The following ZSWIM9 variants were observed in gnomAD, a reference collection of about 807,000 sequenced individuals.
The protein encoded by ZSWIM9 is uncharacterized protein ZSWIM9.
A neutral mutation model predicts 25.0 loss-of-function variants in ZSWIM9; 11 were observed. The ratio of observed to expected loss-of-function variants is 0.44; its 90% confidence interval spans 0.28 to 0.73. ZSWIM9 has a LOEUF of 0.73. Ranked by LOEUF, ZSWIM9 falls within the 30% of genes least tolerant of loss-of-function variation. ZSWIM9 has a pLI of 0.16. For missense variants in ZSWIM9, 1,070 were observed against 1,296.5 expected (o/e 0.83, Z 2.68); for synonymous variants, 562 against 582.1 (o/e 0.97, Z 0.50).
intron 3 of ZSWIM9, among the ~76,000 whole-genome samples, chr19:48,190,142 C>T (rs371058753): frequency 3.3e-5 from 5 of 150,178 alleles, no homozygotes; most frequent in East Asian, 3.9e-4. Flanking sequence ...TGGCGGAGGT[C>T]GCAGTGAGCC....
chr19:48,196,112 G>A lies in ZSWIM9; in HGVS notation c.2048G>A (p.Gly683Glu). The A allele has an allele frequency of 3.2e-6, 4 of 1,244,978 alleles. No individual in the cohort carries two copies. Among genetic ancestry groups the A allele is most frequent in the Non-Finnish European group, 4.0e-6 (4 of 996,324 alleles). The allele number at this position is 1,244,978 out of a possible 1,614,324, so 77.1% of individuals were successfully genotyped here. ...GCCCCTGAGAACGGAGACCAAAGGGGACCCCAGTGGGAAGATGAGAGGAGG... is the reference window on the plus strand; with the variant it reads ...GCCCCTGAGAACGGAGACCAAAGGGAACCCCAGTGGGAAGATGAGAGGAGG... ...ELAPENGDQRGPQWEDERRRG... is the reference protein window; with the variant it reads ...ELAPENGDQREPQWEDERRRG... Residue 683 changes from glycine to glutamate, a missense_variant, in exon 4 of 4, where the codon GGA becomes GAA. Around this residue, in one of 4 missense-constraint regions of ZSWIM9, gnomAD observed 583 missense variants for 624.7 expected, o/e 0.93. Transcript: ENST00000614654.
intron 3 of ZSWIM9, chr19:48,187,585 T>TTA (rs1568579920): frequency 1.2e-4 from 8 of 65,344 alleles, no homozygotes; most frequent in African/African-American, 3.0e-4. Flanking sequence ...ATATTATATA[T>TTA]TATATAATAT....
At position 48,171,143 on chromosome 19, in the gene ZSWIM9, G is replaced by A. The variant is rs185989306; in HGVS notation, c.-10+429G>A. Reference sequence around the variant, plus strand: ...CATCTGGAGATGAGAGTGTCTCAGGGAAGCCCCAGCTACAGCTGCATGTGG... The same window carrying A: ...CATCTGGAGATGAGAGTGTCTCAGGAAAGCCCCAGCTACAGCTGCATGTGG... On this transcript the variant is annotated intron_variant, in intron 1 of 3. Transcript: ENST00000614654. 4.4e-5 allele frequency: 33 copies of A among 746,858 alleles called. No homozygotes were observed. The East Asian group carries it at 3.9e-3, about 88-fold the overall frequency. The allele number at this position is 746,858 out of a possible 1,614,324, so 46.3% of individuals were successfully genotyped here.
In ZSWIM9 at chr19:48,182,266, A is replaced by G. The variant is rs960965423; in HGVS notation, c.276-189A>G. ...ATGAGTAGGACCTTCCTTGTAACCT[A>G]TGAGGAAACTGAGGCATAGAGACTT... On this transcript the variant is annotated intron_variant, in intron 2 of 3. Transcript: ENST00000614654. This position sits in a 1 kb window ranked among gnomAD's most constrained non-coding sequence, Gnocchi z 4.6. 1.0e-5 allele frequency: 6 copies of G among 598,654 alleles called. No homozygotes were observed. In the African/African-American group the frequency reaches 1.1e-4, roughly 11 times the overall value. 37.1% of individuals were successfully genotyped at this position (598,654 alleles called of 1,614,324 possible). A position where few individuals can be genotyped will look rare whatever the true frequency, so the allele number is the denominator to read the frequency against.
At chr19:48,179,878 G>A (rs996149055) in intron 2 of ZSWIM9, among the ~76,000 whole-genome samples, 6 of 152,082 alleles carry the variant, frequency 3.9e-5, no homozygotes, top group South Asian at 2.1e-4. Context: ...GAGGTCAGGC[G>A]GCCAATATGG....
At chr19:48,193,477 A>C (rs776056529) in intron 3 of ZSWIM9, among the ~76,000 whole-genome samples, 1 of 151,970 alleles carries the variant, frequency 6.6e-6, no homozygotes, top group African/African-American at 2.4e-5. Flanking sequence ...CAAAGGGAAG[A>C]GCCACATAGG....
intron 1 of ZSWIM9, 38 bp from the exon 2 acceptor site, chr19:48,171,756 G>T: frequency 6.7e-7 from 1 of 1,489,730 alleles, no homozygotes. Flanking sequence ...GGGTGGGAAT[G>T]GGTCTGATAT....
chr19:48,179,515 A>G (rs2036926162), intron 2 of ZSWIM9, among the ~76,000 whole-genome samples: 1 of 152,142 alleles, frequency 6.6e-6, no homozygotes, highest in East Asian at 1.9e-4. Flanking sequence ...TCTCTACATT[A>G]ATTTCATGTA....
At chr19:48,186,021 T>A (rs905686568) in intron 3 of ZSWIM9, among the ~76,000 whole-genome samples, 1 of 152,198 alleles carries the variant, frequency 6.6e-6, no homozygotes, top group African/African-American at 2.4e-5. Flanking sequence ...TTCTTATCTG[T>A]ACTGTCCAAT....
chr19:48,182,373 T>TAAA lies in ZSWIM9; in HGVS notation c.276-70_276-68dup, dbSNP rs11373236. On this transcript the variant is annotated intron_variant, in intron 2 of 3. Coordinates refer to ENST00000614654, the MANE Select transcript of ZSWIM9 (RefSeq NM_199341.4). This position sits in a 1 kb window ranked among gnomAD's most constrained non-coding sequence, Gnocchi z 4.6. ...TCTATGCCTGAAACAATTCTTAGTT[T>TAAA]AAAAAAAAAAAAAAGGTGAGTGGAA... 2,341 of 1,029,238 alleles carry TAAA rather than the reference T, an allele frequency of 2.3e-3. No individual in the cohort carries two copies. The highest frequency in any genetic ancestry group is 4.2e-3 in the African/African-American group (247 of 58,632). 63.8% of individuals were successfully genotyped at this position (1,029,238 alleles called of 1,614,324 possible). A position where few individuals can be genotyped will look rare whatever the true frequency, so the allele number is the denominator to read the frequency against.
At position 48,195,541 on chromosome 19, in the gene ZSWIM9, G is replaced by T; in HGVS notation, c.1477G>T (p.Glu493Ter). The T allele has an allele frequency of 2.8e-6, 4 of 1,416,698 alleles. 1 individual carries two copies. The South Asian group carries it at 6.1e-5, about 22-fold the overall frequency. 87.8% of individuals were successfully genotyped at this position (1,416,698 alleles called of 1,614,324 possible). ...EGSIWRGAQM[E>*]KEWARALETR... ...AAGTATTTGGAGGGGAGCCCAGATG[G>T]AGAAGGAGTGGGCAAGGGCACTGGA... The change falls in exon 4 of 4, where the codon GAG becomes TAG. Residue 493 changes from glutamate (E) to a stop codon, truncating the protein, a stop_gained. Coordinates refer to ENST00000614654, the MANE Select transcript of ZSWIM9 (RefSeq NM_199341.4). LOFTEE classifies it low-confidence loss of function (END_TRUNC). This position sits in a 1 kb window ranked among gnomAD's most constrained non-coding sequence, Gnocchi z 5.8.
At position 48,194,614 on chromosome 19, in the gene ZSWIM9, C is replaced by T; in HGVS notation, c.589-39C>T. 1 of 1,400,098 alleles carries T rather than the reference C, an allele frequency of 7.1e-7. No individual in the cohort carries two copies. The highest frequency in any genetic ancestry group is 1.6e-5 in the South Asian group (1 of 64,420). 86.7% of individuals were successfully genotyped at this position (1,400,098 alleles called of 1,614,324 possible). On this transcript the variant is annotated intron_variant, in intron 3 of 3. Transcript: ENST00000614654. The surrounding 1 kb of genome is among the most constrained non-coding windows in gnomAD (Gnocchi z 6.0). ...AGCTGGGCGGGGAGACCCCAGCATC[C>T]TCTGACCTCTTTCCTTGCCTCCCTG...
chr19:48,180,174 G>A (rs1010382502), intron 2 of ZSWIM9, among the ~76,000 whole-genome samples: 4 of 152,046 alleles, frequency 2.6e-5, no homozygotes, highest in Non-Finnish European at 5.9e-5. Context: ...GCACCACCAC[G>A]CCTGGCTAAT....
chr19:48,182,635 C>T lies in ZSWIM9; in HGVS notation c.456C>T (p.Asn152=), dbSNP rs2036962582. Residue 152 remains asparagine (N), a synonymous_variant, in exon 3 of 4, where the codon AAC becomes AAT. Transcript: ENST00000614654. This position sits in a 1 kb window ranked among gnomAD's most constrained non-coding sequence, Gnocchi z 4.6. ...ANACLPVRTT[N]KISKQFVAPA... ...CCTGCCTGCCGGTGCGCACCACCAA[C>T]AAGATCTCCAAGCAGTTCGTGGCCC... 6.5e-7 allele frequency: 1 copy of T among 1,535,722 alleles called. No homozygotes were observed. The highest frequency in any genetic ancestry group is 1.4e-5 in the African/African-American group (1 of 73,028).
chr19:48,195,799 G>C lies in ZSWIM9; in HGVS notation c.1735G>C (p.Gly579Arg), dbSNP rs1360061157. 1 of 1,497,014 alleles carries C rather than the reference G, an allele frequency of 6.7e-7. No individual in the cohort carries two copies. The allele number at this position is 1,497,014 out of a possible 1,614,324, so 92.7% of individuals were successfully genotyped here. A position where few individuals can be genotyped will look rare whatever the true frequency, so the allele number is the denominator to read the frequency against. ...GGGACTGGAAGGTTATGTCTGGAGG[G>C]GGTCCCAGTTGGAGGACCAGGCGCT... The part of the protein sequence containing the change: ...DWGLEGYVWR[G>R]SQLEDQALRG... Residue 579 changes from glycine to arginine, a missense_variant, in exon 4 of 4, where the codon GGG becomes CGG. By Grantham distance (125) the Gly-to-Arg change is moderately radical. This residue lies in a region of ZSWIM9 where 583 missense variants were observed against 624.7 expected (regional missense o/e 0.93). Coordinates refer to ENST00000614654, the MANE Select transcript of ZSWIM9 (RefSeq NM_199341.4). The surrounding 1 kb of genome is among the most constrained non-coding windows in gnomAD (Gnocchi z 5.8).
intron 2 of ZSWIM9, among the ~76,000 whole-genome samples, chr19:48,175,822 C>A (rs274871): frequency 0.61 from 92,477 of 152,042 alleles, 29,350 homozygotes; most frequent in East Asian, 0.87. Context: ...TCTCTCTCAG[C>A]ACTTCCCTCC....
rs144349672 is a variant in ZSWIM9, at chr19:48,175,885, A to G, written c.275+3808A>G. On this transcript the variant is annotated intron_variant, in intron 2 of 3. Transcript: ENST00000614654. ...AATACACACCGGCCGTTGAAAACAT[A>G]AAGATCTTGAAAACCTGAACGATCA... 2.0e-3 allele frequency among the ~76,000 whole-genome samples: 311 copies of G among 152,306 alleles called. 4 individuals are homozygous for G. Among genetic ancestry groups the G allele is most frequent in the African/African-American group, 6.9e-3 (287 of 41,572 alleles).
intron 3 of ZSWIM9, among the ~76,000 whole-genome samples, chr19:48,188,767 C>T (rs890803574): frequency 4.6e-5 from 7 of 152,100 alleles, no homozygotes; most frequent in Admixed American, 1.3e-4. Flanking sequence ...CGTGATGGCT[C>T]ACACCTGTAA....
chr19:48,173,208 C>T (rs944779292), intron 2 of ZSWIM9, among the ~76,000 whole-genome samples: 1 of 152,230 alleles, frequency 6.6e-6, no homozygotes, highest in African/African-American at 2.4e-5. Context: ...TTCCCTACAA[C>T]TGTGCAAAGA....
Sources: gnomAD v4.1 joint callset for allele counts (sites outside exome capture counted in the v4.1 genomes callset) on GRCh38, gnomAD v4.1.1 for gene constraint, gnomAD v4.1.1 regional missense constraint, Gnocchi (gnomAD v3.1) non-coding constraint, MANE v1.5 for transcripts, NCBI Gene and HGNC (gene_info 2026-07-23, HGNC 2026-07-21) for gene names.